The following ARHGAP35 variants were observed in gnomAD, a reference collection of about 807,000 sequenced individuals.
The protein encoded by ARHGAP35 is Rho GTPase activating protein 35.
ARHGAP35 carries 15 observed loss-of-function variants against 111.1 expected under a neutral mutation model. The ratio of observed to expected loss-of-function variants is 0.13; its 90% confidence interval spans 0.09 to 0.21. The LOEUF (loss-of-function observed/expected upper bound fraction) is 0.21, where lower values mean the gene tolerates loss of function less well. Among genes scored for constraint, ARHGAP35 ranks in the 10% least tolerant of loss-of-function variants. The pLI is 1.00. For missense variants in ARHGAP35, 1,262 were observed against 1,873.0 expected, an observed-to-expected ratio of 0.67 and a Z score of 6.02; for synonymous variants, 643 against 710.3, an observed-to-expected ratio of 0.91 and a Z score of 1.51.
chr19:46,992,115 A>T lies in ARHGAP35; in HGVS notation c.4036+2440A>T, dbSNP rs1421376082. The stretch of plus-strand genomic sequence containing the variant: ...GATTCAGAAATGAACAGCAGCAGCA[A>T]CCGCACCGCCCATGGCCTGTGTGCC... On this transcript the variant is annotated intron_variant, in intron 5 of 6. Transcript: ENST00000672722. This position sits in a 1 kb window ranked among gnomAD's most constrained non-coding sequence, Gnocchi z 4.4. Among the ~76,000 whole-genome samples the T allele has an allele frequency of 6.6e-6, 1 of 152,192 alleles. No individual in the cohort carries two copies. Among genetic ancestry groups the T allele is most frequent in the Non-Finnish European group, 1.5e-5 (1 of 68,042 alleles).
chr19:46,995,810 A>G (rs1165955610), intron 5 of ARHGAP35, among the ~76,000 whole-genome samples: 2 of 152,212 alleles, frequency 1.3e-5, no homozygotes, highest in African/African-American at 2.4e-5. Flanking sequence ...GAGAGGCCCT[A>G]GAGGGGTGAG....
chr19:46,998,629 G>A (rs77576204), intron 5 of ARHGAP35, among the ~76,000 whole-genome samples: 85 of 152,358 alleles, frequency 5.6e-4, no homozygotes, highest in African/African-American at 1.9e-3. Flanking sequence ...CGATTGTGGG[G>A]ACTCATGGAA....
rs1330795044 is a variant in ARHGAP35 at position 46,992,505 on chromosome 19, A to G, written c.4036+2830A>G. On this transcript the variant is annotated intron_variant, in intron 5 of 6. Coordinates refer to ENST00000672722, the MANE Select transcript of ARHGAP35 (RefSeq NM_004491.5). This position sits in a 1 kb window ranked among gnomAD's most constrained non-coding sequence, Gnocchi z 4.4. ...TACCTGTAGCCCACCCCCACCTTCAAGAGTCGCTCTTGCCTGGTTTCTCCC... is the reference window on the plus strand; with the variant it reads ...TACCTGTAGCCCACCCCCACCTTCAGGAGTCGCTCTTGCCTGGTTTCTCCC... Among the ~76,000 whole-genome samples the G allele has an allele frequency of 6.6e-6, 1 of 151,844 alleles. No homozygotes were observed. The highest frequency in any genetic ancestry group is 1.9e-4 in the East Asian group (1 of 5,172).
intron 1 of ARHGAP35, among the ~76,000 whole-genome samples, chr19:46,873,507 C>T (rs979205076): frequency 1.5e-4 from 23 of 151,528 alleles, no homozygotes; most frequent in Admixed American, 1.2e-3. Flanking sequence ...GGCTTGGTGG[C>T]GGGCACCTGT....
intron 2 of ARHGAP35, among the ~76,000 whole-genome samples, chr19:46,927,372 T>C (rs2056244452): frequency 6.6e-6 from 1 of 152,182 alleles, no homozygotes; most frequent in South Asian, 2.1e-4. Flanking sequence ...TACAGGATAC[T>C]AAGGAATTGT....
chr19:46,981,510 A>C (rs564354978), intron 3 of ARHGAP35, among the ~76,000 whole-genome samples: 178 of 152,380 alleles, frequency 1.2e-3, no homozygotes, highest in South Asian at 2.7e-3. Flanking sequence ...GCGAAGCCTG[A>C]CGCTGGCCGA....
At chr19:46,960,671 C>T (rs2056475532) in intron 3 of ARHGAP35, among the ~76,000 whole-genome samples, 1 of 152,010 alleles carries the variant, frequency 6.6e-6, no homozygotes, top group Admixed American at 6.6e-5. Flanking sequence ...TCAAAGTTAC[C>T]TGCTATTAAG....
chr19:46,998,918 C>G (rs969766354), intron 5 of ARHGAP35, among the ~76,000 whole-genome samples: 20 of 152,256 alleles, frequency 1.3e-4, no homozygotes, highest in African/African-American at 4.3e-4. Context: ...GTGGCAGCGG[C>G]CGCCCGTCTC....
At chr19:46,978,843 G>A (rs1599861346) in intron 3 of ARHGAP35, among the ~76,000 whole-genome samples, 1 of 128,250 alleles carries the variant, frequency 7.8e-6, no homozygotes, top group Middle Eastern at 5.4e-3. Flanking sequence ...GGGGATTTGT[G>A]TGGTGGGGTG....
rs1238800339 is a variant in ARHGAP35 at position 46,908,228 on chromosome 19, T to C, written c.-188-10260T>C. On this transcript the variant is annotated intron_variant, in intron 1 of 6. Coordinates refer to ENST00000672722, the MANE Select transcript of ARHGAP35 (RefSeq NM_004491.5). The surrounding 1 kb of genome is among the most constrained non-coding windows in gnomAD (Gnocchi z 4.2). Reference sequence around the variant, plus strand: ...TAGAGTATAACTGCTTAGAAGCAACTGCTGGAATAATTTTATAGGTTTTAC... The same window carrying C: ...TAGAGTATAACTGCTTAGAAGCAACCGCTGGAATAATTTTATAGGTTTTAC... Among the ~76,000 whole-genome samples, 1 of 152,244 alleles carries C rather than the reference T, an allele frequency of 6.6e-6. No homozygotes were observed. Among genetic ancestry groups the C allele is most frequent in the South Asian group, 2.1e-4 (1 of 4,832 alleles).
intron 3 of ARHGAP35, among the ~76,000 whole-genome samples, chr19:46,966,171 G>T (rs1289735068): frequency 6.6e-6 from 1 of 151,804 alleles, no homozygotes; most frequent in Non-Finnish European, 1.5e-5. Flanking sequence ...TTCTTTCTTT[G>T]CAAAATATTT....
At chr19:46,889,463 A>C (rs2056013285) in intron 1 of ARHGAP35, among the ~76,000 whole-genome samples, 1 of 152,050 alleles carries the variant, frequency 6.6e-6, no homozygotes, top group Non-Finnish European at 1.5e-5. Flanking sequence ...ATCTCAAAAA[A>C]ACAAAAACAA....
At chr19:46,981,825 GTGTTTTGTTT>G (rs55887324) in intron 3 of ARHGAP35, among the ~76,000 whole-genome samples, 55,502 of 147,184 alleles carry the variant, frequency 0.38, 10,733 homozygotes, top group Middle Eastern at 0.5. Context: ...GTATTTTTTG[GTGTTTTGTTT>G]TGTTTTGTTT....
At chr19:46,931,781 G>A (rs907310637) in intron 2 of ARHGAP35, among the ~76,000 whole-genome samples, 1 of 152,138 alleles carries the variant, frequency 6.6e-6, no homozygotes, top group African/African-American at 2.4e-5. Flanking sequence ...GAAAGAGCAT[G>A]GGGCTTTGGC....
intron 3 of ARHGAP35, among the ~76,000 whole-genome samples, chr19:46,976,249 C>T (rs566431478): frequency 6.5e-4 from 98 of 150,026 alleles, no homozygotes; most frequent in African/African-American, 2.4e-3. Context: ...TCCTCACCAC[C>T]CTCCCGTTTT....
intron 1 of ARHGAP35, among the ~76,000 whole-genome samples, chr19:46,916,080 G>A (rs1017170609): frequency 2.6e-5 from 4 of 151,862 alleles, no homozygotes; most frequent in Admixed American, 2.6e-4. Flanking sequence ...GACTACAGGT[G>A]CCCACCTCCA....
At position 47,004,846 on chromosome 19, in the gene ARHGAP35, T is replaced by C. The variant is rs993028857; in HGVS notation, c.*4158T>C. The C allele has an allele frequency of 6.6e-6, 1 of 152,212 alleles. No homozygotes were observed. Among genetic ancestry groups the C allele is most frequent in the Non-Finnish European group, 1.5e-5 (1 of 68,030 alleles). 9.4% of individuals were successfully genotyped at this position (152,212 alleles called of 1,614,324 possible). On this transcript the variant is annotated 3_prime_UTR_variant, in exon 7 of 7. Transcript: ENST00000672722. ...GAATGTTTGCTTAATTTCCAGACTTTTTTTTAAAAACACATCGTGGGTTTT... is the reference window on the plus strand; with the variant it reads ...GAATGTTTGCTTAATTTCCAGACTTCTTTTTAAAAACACATCGTGGGTTTT...
rs1298488368 is a variant in ARHGAP35 at position 46,919,427 on chromosome 19, G to A, written c.752G>A (p.Arg251Gln). The change falls in exon 2 of 7, where the codon CGG becomes CAG. Residue 251 changes from arginine (R) to glutamine (Q), a missense_variant. Transcript: ENST00000672722. The surrounding 1 kb of genome is among the most constrained non-coding windows in gnomAD (Gnocchi z 6.2). ...TTAGTGCAACTCATTGATAAAAGTC[G>A]GGGAAAGACAAAAATCATTCCTTAT... is the stretch of plus-strand genomic sequence containing the variant. ...STLVQLIDKS[R>Q]GKTKIIPYFE... 6.2e-7 allele frequency: 1 copy of A among 1,613,776 alleles called. No individual in the cohort carries two copies. Among genetic ancestry groups the A allele is most frequent in the Non-Finnish European group, 8.5e-7 (1 of 1,179,890 alleles).
chr19:46,962,861 G>A (rs763711008), intron 3 of ARHGAP35, among the ~76,000 whole-genome samples: 17 of 152,232 alleles, frequency 1.1e-4, no homozygotes, highest in African/African-American at 2.6e-4. Context: ...TGATCCGCCC[G>A]CACTTGGCCA....
Sources: gnomAD v4.1 joint callset for allele counts (sites outside exome capture counted in the v4.1 genomes callset) on GRCh38, gnomAD v4.1.1 for gene constraint, Gnocchi (gnomAD v3.1) non-coding constraint, MANE v1.5 for transcripts, NCBI Gene and HGNC (gene_info 2026-07-23, HGNC 2026-07-21) for gene names.